The following ARAP2 variants were observed in gnomAD, a reference collection of about 807,000 sequenced individuals.
ARAP2 encodes the protein ArfGAP with RhoGAP domain, ankyrin repeat and PH domain 2.
Under a neutral mutation model 194.5 loss-of-function variants are expected in ARAP2, and 148 were observed. The ratio of observed to expected loss-of-function variants is 0.76; its 90% CI spans 0.67 to 0.87. The LOEUF (loss-of-function observed/expected upper bound fraction) is 0.87. Ranked by LOEUF, ARAP2 falls within the 40% of genes least tolerant of loss-of-function variation. ARAP2 has a pLI of 0.00. For missense variants in ARAP2, 2,128 were observed against 1,989.7 expected (o/e 1.07, Z -1.32); for synonymous variants, 695 against 683.5 (o/e 1.02, Z -0.26).
chr4:36,193,413 C>G (rs1249212768), intron 7 of ARAP2, among the ~76,000 whole-genome samples, 165 bp downstream of exon 7: 3 of 152,184 alleles, frequency 2.0e-5, no homozygotes, highest in Non-Finnish European at 4.4e-5. Flanking sequence ...CAAAAATCAT[C>G]TGATTTTAAT....
chr4:36,205,618 A>C (rs1477566121), intron 6 of ARAP2, among the ~76,000 whole-genome samples: 2 of 152,072 alleles, frequency 1.3e-5, no homozygotes, highest in African/African-American at 4.8e-5. Context: ...AAAAAAAAGA[A>C]AATCGAGGTT....
intron 28 of ARAP2, among the ~76,000 whole-genome samples, chr4:36,085,346 A>G (rs190067628): frequency 6.6e-6 from 1 of 152,132 alleles, no homozygotes; most frequent in Admixed American, 6.6e-5. Flanking sequence ...TTTAGGATTT[A>G]AATCTTTTGT....
At chr4:36,184,603 CTACTT>C (rs1170977630) in intron 8 of ARAP2, among the ~76,000 whole-genome samples, 2 of 152,154 alleles carry the variant, frequency 1.3e-5, no homozygotes, top group Admixed American at 6.5e-5. Flanking sequence ...TTGGTACACT[CTACTT>C]AAATAAAACG....
Position 36,119,712 on chromosome 4 carries a change from C to A in ARAP2, c.3901G>T (p.Glu1301Ter). Residue 1301 changes from glutamate (E) to a stop codon, truncating the protein, a stop_gained, in exon 24 of 33, where the codon GAA (glutamate) becomes TAA (stop). Transcript: ENST00000303965. LOFTEE classifies it high-confidence loss of function. ...ATGTCCATTTGTTTGACTTGATCTT[C>A]TTTAACCTGTTTAAAATATAATTCG... is the stretch of plus-strand genomic sequence containing the variant. ...NNYVEIFEVK[E>*]DQVKQMDIEN... 6.3e-7 allele frequency: 1 copy of A among 1,596,930 alleles called. No homozygotes were observed. Among genetic ancestry groups the A allele is most frequent in the Non-Finnish European group, 8.6e-7 (1 of 1,166,902 alleles).
intron 6 of ARAP2, chr4:36,016,107 T>C (rs1007796976): frequency 6.6e-6 from 1 of 152,144 alleles, no homozygotes; most frequent in African/African-American, 2.4e-5. Context: ...AACTATATAG[T>C]AGTTAGTTGA....
rs748065255 is a variant in ARAP2 at position 36,229,272 on chromosome 4, T to G, written c.215A>C (p.Gln72Pro). ...KQLQIILSKMQDIPIYANVHK... is the reference protein window; with the variant it reads ...KQLQIILSKMPDIPIYANVHK... ...AACATTTGCATATATTGGAATATCT[T>G]GCATTTTTGACAAGATTATCTGTAA... Residue 72 changes from glutamine (Q) to proline (P), a missense_variant, in exon 2 of 33, where the codon CAA becomes CCA. Coordinates refer to ENST00000303965, the MANE Select transcript of ARAP2 (RefSeq NM_015230.4). The G allele has an allele frequency of 1.2e-6, 2 of 1,614,056 alleles. No homozygotes were observed. Among genetic ancestry groups the G allele is most frequent in the Non-Finnish European group, 1.7e-6 (2 of 1,179,948 alleles).
chr4:36,196,013 A>G (rs1276376701), intron 6 of ARAP2, among the ~76,000 whole-genome samples: 1 of 152,238 alleles, frequency 6.6e-6, no homozygotes, highest in Non-Finnish European at 1.5e-5. Flanking sequence ...GTGGGATAAC[A>G]GACAAATAAA....
intron 14 of ARAP2, 121 bp downstream of exon 14, chr4:36,159,210 G>T: frequency 1.9e-6 from 2 of 1,079,452 alleles, no homozygotes; most frequent in Non-Finnish European, 1.3e-6. Context: ...CCATCTTTTT[G>T]GTAATTACAT....
chr4:36,017,564 T>TAAAGAAAAAAAAAA (rs1716066304), intron 6 of ARAP2, among the ~76,000 whole-genome samples: 1 of 42,578 alleles, frequency 2.3e-5, no homozygotes, highest in Non-Finnish European at 3.8e-5. Context: ...AAGAAAGTGG[T>TAAAGAAAAAAAAAA]AAAAAAAAAA....
At chr4:36,112,653 G>T (rs371464944) in intron 26 of ARAP2, among the ~76,000 whole-genome samples, 2 of 151,614 alleles carry the variant, frequency 1.3e-5, no homozygotes, top group East Asian at 3.9e-4. Flanking sequence ...AGATTTTATG[G>T]CTCCTATATA....
rs73809142 is a variant in ARAP2, at chr4:36,156,574, G to A, written c.2752+2156C>T. ...TTTTTGGAGACAGTTTTGAAGGGAA[G>A]CTAGGGTAAATACAGAAAGACAATT... On this transcript the variant is annotated intron_variant, in intron 15 of 32. Transcript: ENST00000303965. 2.0e-3 allele frequency among the ~76,000 whole-genome samples: 310 copies of A among 152,254 alleles called. 1 individual carries two copies. The highest frequency in any genetic ancestry group is 7.1e-3 in the African/African-American group (296 of 41,550).
At chr4:36,135,082 G>A (rs374890241) in intron 19 of ARAP2, among the ~76,000 whole-genome samples, 19 of 151,794 alleles carry the variant, frequency 1.3e-4, no homozygotes, top group Admixed American at 5.3e-4. Flanking sequence ...CCTATCACTA[G>A]ATACAAAGTT....
In ARAP2 at chr4:36,121,288, T is replaced by A. The variant is rs372748674; in HGVS notation, c.3785A>T (p.His1262Leu). ...GGATGAAAAGACCAAGGCCAAATTATGGGCATTCATGTGATTGATTTCTGA... is the reference window on the plus strand; with the variant it reads ...GGATGAAAAGACCAAGGCCAAATTAAGGGCATTCATGTGATTGATTTCTGA... ...KCSEINHMNA[H>L]NLALVFSSCL... The change falls in exon 23 of 33, where the codon CAT becomes CTT. Residue 1262 changes from histidine to leucine, a missense_variant. Transcript: ENST00000303965. The A allele has an allele frequency of 6.2e-7, 1 of 1,603,346 alleles. No individual in the cohort carries two copies. The highest frequency in any genetic ancestry group is 8.5e-7 in the Non-Finnish European group (1 of 1,173,888).
chr4:36,087,832 T>A (rs1386599562), intron 28 of ARAP2, among the ~76,000 whole-genome samples: 1 of 152,126 alleles, frequency 6.6e-6, no homozygotes, highest in African/African-American at 2.4e-5. Flanking sequence ...TTTGTAAGTT[T>A]CTGCATAGAG....
chr4:36,107,575 T>C lies in ARAP2; in HGVS notation c.4275A>G (p.Lys1425=), dbSNP rs1339712355. ...VKRFLTADTI[K]HCSDRSTLGS... ...AGTAATGACACCTACCACTGCAGTG[T>C]TTAATTGTGTCAGCGGTTAAGAATC... Residue 1425 remains lysine, a synonymous_variant, in exon 27 of 33, where the codon AAA becomes AAG. Transcript: ENST00000303965. 6.2e-7 allele frequency: 1 copy of C among 1,609,294 alleles called. No homozygotes were observed. Among genetic ancestry groups the C allele is most frequent in the East Asian group, 2.2e-5 (1 of 44,604 alleles).
At chr4:36,214,879 G>A (rs1448696001) in intron 2 of ARAP2, among the ~76,000 whole-genome samples, 3 of 152,150 alleles carry the variant, frequency 2.0e-5, no homozygotes, top group African/African-American at 7.2e-5. Context: ...CTAGATGTCA[G>A]TATTTGTGTA....
At chr4:36,081,426 G>A (rs1204616886) in intron 30 of ARAP2, among the ~76,000 whole-genome samples, 1 of 152,138 alleles carries the variant, frequency 6.6e-6, no homozygotes, top group African/African-American at 2.4e-5. Flanking sequence ...AAACAGCAAG[G>A]AATGCGTGGT....
chr4:36,093,385 G>T (rs1486766021), intron 27 of ARAP2, among the ~76,000 whole-genome samples: 1 of 151,960 alleles, frequency 6.6e-6, no homozygotes, highest in African/African-American at 2.4e-5. Flanking sequence ...AGAAATAACA[G>T]GAGAAAACAG....
At chr4:36,022,734 A>ACTAT (rs2109343036) in intron 5 of ARAP2, among the ~76,000 whole-genome samples, 1 of 152,288 alleles carries the variant, frequency 6.6e-6, no homozygotes, top group South Asian at 2.1e-4. Context: ...AAGAAAAAAT[A>ACTAT]CTATCTTCAG....
Sources: allele counts gnomAD v4.1 joint callset (sites outside exome capture counted in the v4.1 genomes callset), GRCh38; gene constraint gnomAD v4.1.1; transcripts MANE v1.5; gene names NCBI Gene and HGNC (gene_info 2026-07-23, HGNC 2026-07-21).